The following CHCHD6 variants were observed in gnomAD, a reference collection of about 807,000 sequenced individuals.
The protein encoded by CHCHD6 is MICOS complex subunit MIC25.
A neutral mutation model predicts 32.3 loss-of-function variants in CHCHD6; 28 were observed. The ratio of observed to expected loss-of-function variants is 0.87; its 90% CI spans 0.64 to 1.19. The LOEUF (loss-of-function observed/expected upper bound fraction) is 1.19, where lower values mean the gene tolerates loss of function less well. Ranked by LOEUF, CHCHD6 falls within the 50% of genes most tolerant of loss-of-function variation. The pLI is 0.00. For missense variants in CHCHD6, 333 were observed against 307.0 expected (o/e 1.08, Z -0.63); for synonymous variants, 122 against 117.5 (o/e 1.04, Z -0.25).
At chr3:126,733,044 C>T in intron 3 of CHCHD6, 34 bp from the exon 4 acceptor site, 1 of 1,609,578 alleles carries the variant, frequency 6.2e-7, no homozygotes, top group Non-Finnish European at 8.5e-7. Flanking sequence ...TCATGCCATC[C>T]ACATCTGTTT....
intron 1 of CHCHD6, among the ~76,000 whole-genome samples, chr3:126,716,797 C>T (rs529959427): frequency 9.7e-5 from 14 of 143,798 alleles, no homozygotes; most frequent in Middle Eastern, 3.5e-3. Flanking sequence ...AGGGGAGGGA[C>T]GGTGCTGGCA....
chr3:126,757,253 A>G (rs1261573086), intron 4 of CHCHD6, among the ~76,000 whole-genome samples: 1 of 152,164 alleles, frequency 6.6e-6, no homozygotes, highest in Non-Finnish European at 1.5e-5. Context: ...GCAAATATTC[A>G]AAAATCACAA....
chr3:126,959,611 T>C (rs1013502294), intron 7 of CHCHD6, among the ~76,000 whole-genome samples: 2 of 152,194 alleles, frequency 1.3e-5, no homozygotes, highest in East Asian at 3.9e-4. Context: ...GCACTGCTTC[T>C]CTCTCCAGGA....
chr3:126,751,477 C>G (rs1324471933), intron 4 of CHCHD6, among the ~76,000 whole-genome samples: 1 of 141,002 alleles, frequency 7.1e-6, no homozygotes, highest in Non-Finnish European at 1.5e-5. Context: ...GCACTCTAGC[C>G]TAGGTGACAG....
intron 4 of CHCHD6, among the ~76,000 whole-genome samples, chr3:126,737,215 GA>G (rs1331930123): frequency 1.3e-5 from 2 of 152,048 alleles, no homozygotes; most frequent in African/African-American, 4.8e-5. Context: ...AGCTACTTGG[GA>G]GGCTGAGGCA....
chr3:126,919,621 ATTTT>A (rs35228420), intron 6 of CHCHD6, among the ~76,000 whole-genome samples: 1 of 127,214 alleles, frequency 7.9e-6, no homozygotes. Context: ...GCTGGCCTTC[ATTTT>A]TTTTTTTTTT....
At position 126,891,548 on chromosome 3, in the gene CHCHD6, A is replaced by G. The variant is rs561982883; in HGVS notation, c.496-23132A>G. Among the ~76,000 whole-genome samples, 5 of 152,272 alleles carry G rather than the reference A, an allele frequency of 3.3e-5. No individual in the cohort carries two copies. The South Asian group carries it at 6.2e-4, about 19-fold the overall frequency. Reference sequence around the variant, plus strand: ...ATCATCCTGCAGGGATGAGAAGCAGATATGACTTTGCACTTTGGGAAGATG... The same window carrying G: ...ATCATCCTGCAGGGATGAGAAGCAGGTATGACTTTGCACTTTGGGAAGATG... On this transcript the variant is annotated intron_variant, in intron 5 of 7. Coordinates refer to ENST00000290913, the MANE Select transcript of CHCHD6 (RefSeq NM_032343.3).
intron 4 of CHCHD6, among the ~76,000 whole-genome samples, chr3:126,755,838 A>ATGTGTGTGTGTGTGTGTGTG (rs58430251): frequency 6.9e-6 from 1 of 145,876 alleles, no homozygotes; most frequent in African/African-American, 2.5e-5. Flanking sequence ...CTGTGTGTGC[A>ATGTGTGTGTGTGTGTGTGTG]TGTGTGTGTG....
At chr3:126,881,502 A>G (rs1025835340) in intron 5 of CHCHD6, among the ~76,000 whole-genome samples, 1 of 152,218 alleles carries the variant, frequency 6.6e-6, no homozygotes, top group Non-Finnish European at 1.5e-5. Context: ...ATTTAATACA[A>G]GTGTATAGCA....
chr3:126,889,530 C>T (rs1341155693), intron 5 of CHCHD6, among the ~76,000 whole-genome samples: 1 of 152,202 alleles, frequency 6.6e-6, no homozygotes, highest in Non-Finnish European at 1.5e-5. Context: ...CCAGCTCCTG[C>T]TGAGCCACTG....
At chr3:126,812,468 G>A (rs565974303) in intron 4 of CHCHD6, among the ~76,000 whole-genome samples, 5 of 151,482 alleles carry the variant, frequency 3.3e-5, no homozygotes, top group East Asian at 1.9e-4. Context: ...TTGTTGCCAC[G>A]GCTGGAGTGC....
At chr3:126,729,287 G>C (rs1935674556) in intron 2 of CHCHD6, among the ~76,000 whole-genome samples, 2 of 152,104 alleles carry the variant, frequency 1.3e-5, no homozygotes, top group African/African-American at 4.8e-5. Flanking sequence ...AGACAACTCA[G>C]TAGGAAATGT....
At chr3:126,791,265 C>T (rs1186002218) in intron 4 of CHCHD6, among the ~76,000 whole-genome samples, 5 of 149,426 alleles carry the variant, frequency 3.3e-5, no homozygotes, top group East Asian at 2.0e-4. Flanking sequence ...GGCTCCTTGG[C>T]GGTCAGGGAC....
chr3:126,736,602 A>G lies in CHCHD6; in HGVS notation c.411+3380A>G, dbSNP rs1248980106. On this transcript the variant is annotated intron_variant, in intron 4 of 7. Transcript: ENST00000290913. ...TATTATTGGGAAAAGTTATAAAACT[A>G]ATGACAAGGAAAGGTAATAATTTTT... 3.3e-5 allele frequency among the ~76,000 whole-genome samples: 5 copies of G among 152,330 alleles called. No homozygotes were observed. In the East Asian group the frequency reaches 9.6e-4, roughly 29 times the overall value.
chr3:126,945,795 G>A (rs1213659413), intron 6 of CHCHD6, among the ~76,000 whole-genome samples: 1 of 151,116 alleles, frequency 6.6e-6, no homozygotes, highest in African/African-American at 2.4e-5. Context: ...GGAGACTCAA[G>A]GCAGGAGACA....
chr3:126,960,217 C>A lies in CHCHD6; in HGVS notation c.*16C>A, dbSNP rs1455563964. 6.4e-7 allele frequency: 1 copy of A among 1,551,316 alleles called. No individual in the cohort carries two copies. Among genetic ancestry groups the A allele is most frequent in the African/African-American group, 1.4e-5 (1 of 73,036 alleles). ...GTAGGGCTGAGGAGCAGACATCATT[C>A]CCTGCCCTGGCAGTGACTTGGAGCC... On this transcript the variant is annotated 3_prime_UTR_variant, in exon 8 of 8. Coordinates refer to ENST00000290913, the MANE Select transcript of CHCHD6 (RefSeq NM_032343.3).
At chr3:126,930,066 A>T (rs923913336) in intron 6 of CHCHD6, among the ~76,000 whole-genome samples, 1 of 152,174 alleles carries the variant, frequency 6.6e-6, no homozygotes, top group Non-Finnish European at 1.5e-5. Context: ...ATCATGAAGG[A>T]TCCTCTCTAA....
intron 4 of CHCHD6, among the ~76,000 whole-genome samples, chr3:126,786,513 T>C (rs1033782628): frequency 4.6e-5 from 7 of 152,248 alleles, no homozygotes; most frequent in East Asian, 1.9e-4. Context: ...TTTTAATGAT[T>C]GCCATTCTAA....
chr3:126,837,583 T>C (rs1005201389), intron 4 of CHCHD6, among the ~76,000 whole-genome samples: 4 of 152,168 alleles, frequency 2.6e-5, no homozygotes, highest in Non-Finnish European at 4.4e-5. Flanking sequence ...CATATATACA[T>C]AGTGTTTAAT....
Sources: gnomAD v4.1 joint callset for allele counts (sites outside exome capture counted in the v4.1 genomes callset) on GRCh38, gnomAD v4.1.1 for gene constraint, MANE v1.5 for transcripts, NCBI Gene and HGNC (gene_info 2026-07-23, HGNC 2026-07-21) for gene names.